The following SKAP2 variants were observed in gnomAD, a reference collection of about 807,000 sequenced individuals.
SKAP2 encodes the protein src kinase associated phosphoprotein 2.
SKAP2 carries 28 observed loss-of-function variants against 54.9 expected under a neutral mutation model. The ratio of observed to expected loss-of-function variants is 0.51; its 90% CI spans 0.38 to 0.70. SKAP2 has a LOEUF of 0.70. Among genes scored for constraint, SKAP2 ranks in the 30% least tolerant of loss-of-function variants. The pLI, the probability that SKAP2 is intolerant of heterozygous loss-of-function variation, is 0.00. For synonymous variants in SKAP2, 137 were observed against 134.3 expected (o/e 1.02, Z -0.14); for missense variants, 356 against 424.1 (o/e 0.84, Z 1.41).
At chr7:26,712,072 T>C (rs767062274) in intron 9 of SKAP2, among the ~76,000 whole-genome samples, 4 of 152,034 alleles carry the variant, frequency 2.6e-5, no homozygotes, top group Non-Finnish European at 5.9e-5. Flanking sequence ...TTAGTAGAAA[T>C]AGAAAAGAAA....
intron 9 of SKAP2, among the ~76,000 whole-genome samples, chr7:26,716,849 C>A (rs1447189455): frequency 6.6e-6 from 1 of 152,214 alleles, no homozygotes; most frequent in Non-Finnish European, 1.5e-5. Context: ...CACTACCCCC[C>A]ATCTCCATCT....
At chr7:26,709,779 T>C (rs553751118) in intron 9 of SKAP2, among the ~76,000 whole-genome samples, 1 of 152,278 alleles carries the variant, frequency 6.6e-6, no homozygotes, top group Admixed American at 6.5e-5. Context: ...TCCTGGGAAA[T>C]GTCTTGCTCG....
At chr7:26,764,076 T>C (rs1217067155) in intron 4 of SKAP2, among the ~76,000 whole-genome samples, 3 of 152,194 alleles carry the variant, frequency 2.0e-5, no homozygotes, top group East Asian at 1.9e-4. Flanking sequence ...ATACTCTTTA[T>C]ATGACAAAGA....
intron 9 of SKAP2, among the ~76,000 whole-genome samples, chr7:26,716,092 T>C (rs1787428224): frequency 6.6e-6 from 1 of 152,242 alleles, no homozygotes; most frequent in Admixed American, 6.5e-5. Flanking sequence ...GATTATTCTA[T>C]GTGTACTGAA....
chr7:26,799,762 C>A (rs1783870195), intron 4 of SKAP2, among the ~76,000 whole-genome samples: 1 of 152,220 alleles, frequency 6.6e-6, no homozygotes, highest in Non-Finnish European at 1.5e-5. Context: ...AATACGCATT[C>A]TTTTCTTCAG....
intron 11 of SKAP2, among the ~76,000 whole-genome samples, chr7:26,673,161 C>T (rs913927075): frequency 1.3e-5 from 2 of 152,010 alleles, no homozygotes; most frequent in East Asian, 1.9e-4. Context: ...AGGCTGTTGT[C>T]TAAATCTTTG....
chr7:26,687,174 GA>G (rs1291846771), intron 10 of SKAP2, among the ~76,000 whole-genome samples: 1 of 149,694 alleles, frequency 6.7e-6, no homozygotes, highest in East Asian at 2.1e-4. Flanking sequence ...TACGCTTGCT[GA>G]AACTCCCATT....
chr7:26,690,557 A>G (rs1184057513), intron 9 of SKAP2, among the ~76,000 whole-genome samples, 195 bp from the exon 10 acceptor site: 1 of 152,220 alleles, frequency 6.6e-6, no homozygotes, highest in African/African-American at 2.4e-5. Context: ...GCTACTGCCA[A>G]ATAGCAACCT....
At chr7:26,844,724 T>G (rs1322230775) in intron 3 of SKAP2, among the ~76,000 whole-genome samples, 1 of 152,156 alleles carries the variant, frequency 6.6e-6, no homozygotes, top group Non-Finnish European at 1.5e-5. Flanking sequence ...AAATCTTTTA[T>G]AGAAAAAACT....
intron 4 of SKAP2, among the ~76,000 whole-genome samples, chr7:26,761,531 A>C (rs1171183128): frequency 6.6e-6 from 1 of 152,242 alleles, no homozygotes; most frequent in African/African-American, 2.4e-5. Context: ...AAATCCTACA[A>C]GACAACTGGC....
chr7:26,800,862 C>G (rs1783897419), intron 4 of SKAP2, among the ~76,000 whole-genome samples: 1 of 152,094 alleles, frequency 6.6e-6, no homozygotes, highest in Admixed American at 6.5e-5. Flanking sequence ...TAAAACATCT[C>G]CCAGTAAAGA....
At chr7:26,775,897 A>C (rs1278790321) in intron 4 of SKAP2, among the ~76,000 whole-genome samples, 1 of 152,150 alleles carries the variant, frequency 6.6e-6, no homozygotes, top group Non-Finnish European at 1.5e-5. Context: ...CTGGTATTCC[A>C]AGGTATGCAT....
chr7:26,843,132 A>G (rs1306028993), intron 4 of SKAP2, among the ~76,000 whole-genome samples: 12 of 152,082 alleles, frequency 7.9e-5, no homozygotes, highest in Non-Finnish European at 1.5e-4. Context: ...AATAATCTGG[A>G]TAACATAAAA....
At chr7:26,824,115 A>C (rs1199165697) in intron 4 of SKAP2, among the ~76,000 whole-genome samples, 1 of 152,114 alleles carries the variant, frequency 6.6e-6, no homozygotes, top group African/African-American at 2.4e-5. Flanking sequence ...TCAATGAATC[A>C]ATCAATTCAT....
chr7:26,660,328 T>C, the SKAP2 span, among the ~76,000 whole-genome samples: 1 of 152,040 alleles, frequency 6.6e-6, no homozygotes, highest in Non-Finnish European at 1.5e-5. Context: ...AGGAAAGATG[T>C]GAAATGAGAA....
At chr7:26,721,937 A>C (rs1787588120) in intron 9 of SKAP2, among the ~76,000 whole-genome samples, 1 of 152,208 alleles carries the variant, frequency 6.6e-6, no homozygotes, top group South Asian at 2.1e-4. Context: ...TGAGCAATAA[A>C]TTTACAAACC....
chr7:26,792,525 A>G (rs1783691869), intron 4 of SKAP2, among the ~76,000 whole-genome samples: 1 of 152,214 alleles, frequency 6.6e-6, no homozygotes, highest in Non-Finnish European at 1.5e-5. Flanking sequence ...TTATTTGAAA[A>G]ATAAGATTTT....
Position 26,767,413 on chromosome 7 carries a change from C to T in SKAP2, c.308-27449G>A, listed in dbSNP as rs186632707. The stretch of plus-strand genomic sequence containing the variant: ...TGTTTTGTTAATCTTTTCAAAAAAC[C>T]AGTTCCTGAATTCATTGATTTTTTG... On this transcript the variant is annotated intron_variant, in intron 4 of 12. Coordinates refer to ENST00000345317, the MANE Select transcript of SKAP2 (RefSeq NM_003930.5). 4.8e-3 allele frequency among the ~76,000 whole-genome samples: 735 copies of T among 152,250 alleles called. 3 individuals are homozygous for T. The highest frequency in any genetic ancestry group is 0.017 in the African/African-American group (696 of 41,538).
At chr7:26,717,509 CAAAAAAAAAAAAAAAAAAA>C (rs58826714) in intron 9 of SKAP2, among the ~76,000 whole-genome samples, 14 of 23,130 alleles carry the variant, frequency 6.1e-4, no homozygotes, top group South Asian at 3.4e-3. Flanking sequence ...GACCCCATCT[CAAAAAAAAAAAAAAAAAAA>C]AAAAAAAAAA....
Sources: gnomAD v4.1 joint callset for allele counts (sites outside exome capture counted in the v4.1 genomes callset) on GRCh38, gnomAD v4.1.1 for gene constraint, MANE v1.5 for transcripts, NCBI Gene and HGNC (gene_info 2026-07-23, HGNC 2026-07-21) for gene names.